The following NAV3 variants were observed in gnomAD, a reference collection of about 807,000 sequenced individuals.
NAV3 encodes pore membrane and/or filament interacting like protein 1.
NAV3 carries 87 observed loss-of-function variants against 244.7 expected under a neutral mutation model. That is an observed-to-expected ratio of 0.36 (90% CI 0.30 to 0.42). The LOEUF is 0.42. NAV3 is among the 20% of genes least tolerant of loss of function. NAV3 has a pLI of 1.00. For synonymous variants in NAV3, 1,126 were observed against 1,042.2 expected, an observed-to-expected ratio of 1.08 and a Z score of -1.55; for missense variants, 2,663 against 2,893.3, an observed-to-expected ratio of 0.92 and a Z score of 1.83.
chr12:77,878,137 C>T (rs1592868968), intron 1 of NAV3, among the ~76,000 whole-genome samples: 2 of 152,048 alleles, frequency 1.3e-5, no homozygotes, highest in African/African-American at 4.8e-5. Context: ...AATGTGGTAC[C>T]TGAATGAGAA....
intron 2 of NAV3, among the ~76,000 whole-genome samples, chr12:77,594,730 G>A (rs1870089959): frequency 6.6e-6 from 1 of 152,174 alleles, no homozygotes; most frequent in Non-Finnish European, 1.5e-5. Context: ...TGGAAACCAA[G>A]CAACATACAG....
intron 2 of NAV3, among the ~76,000 whole-genome samples, chr12:77,591,976 T>G (rs1168932012): frequency 6.6e-6 from 1 of 152,240 alleles, no homozygotes; most frequent in Non-Finnish European, 1.5e-5. Flanking sequence ...GCATGTTAAA[T>G]AGAATTCAAT....
intron 3 of NAV3, among the ~76,000 whole-genome samples, chr12:77,943,607 T>C (rs1890072039): frequency 6.6e-6 from 1 of 152,216 alleles, no homozygotes; most frequent in African/African-American, 2.4e-5. Flanking sequence ...GAAAGATAAT[T>C]ATGATAGCAT....
intron 18 of NAV3, among the ~76,000 whole-genome samples, chr12:78,132,131 A>G (rs1956192131): frequency 6.6e-6 from 1 of 152,200 alleles, no homozygotes; most frequent in African/African-American, 2.4e-5. Context: ...TAACATGTCC[A>G]TGGTCACAAT....
At chr12:77,681,531 A>G (rs1340137934) in intron 2 of NAV3, among the ~76,000 whole-genome samples, 2 of 152,228 alleles carry the variant, frequency 1.3e-5, no homozygotes. Flanking sequence ...AATCACACCT[A>G]GTTGAAACAT....
chr12:77,948,814 A>G (rs550765328), intron 3 of NAV3, among the ~76,000 whole-genome samples: 1 of 151,858 alleles, frequency 6.6e-6, no homozygotes, highest in Admixed American at 6.6e-5. Flanking sequence ...TTCAATATGA[A>G]TTGTAATACT....
At chr12:77,618,815 A>C (rs1165311118) in intron 2 of NAV3, among the ~76,000 whole-genome samples, 2 of 152,220 alleles carry the variant, frequency 1.3e-5, no homozygotes, top group Admixed American at 1.3e-4. Context: ...CTTTGTTAGC[A>C]CTCATCGTCT....
intron 2 of NAV3, among the ~76,000 whole-genome samples, chr12:77,654,014 C>A (rs534406262): frequency 6.6e-6 from 1 of 152,292 alleles, no homozygotes; most frequent in African/African-American, 2.4e-5. Context: ...TCTACAGCTC[C>A]CAGCATGAGC....
chr12:77,641,144 T>G (rs1428003185), intron 2 of NAV3, among the ~76,000 whole-genome samples: 6 of 152,180 alleles, frequency 3.9e-5, no homozygotes, highest in Non-Finnish European at 8.8e-5. Flanking sequence ...AAAGTTTTTT[T>G]TCTTTCTCAT....
intron 2 of NAV3, among the ~76,000 whole-genome samples, chr12:77,772,425 T>A (rs1471225709): frequency 6.6e-6 from 1 of 152,176 alleles, no homozygotes; most frequent in African/African-American, 2.4e-5. Context: ...ACTCTACTGG[T>A]CACTTTTTTA....
Position 77,683,709 on chromosome 12 carries a change from A to G in NAV3, c.72+111443A>G, listed in dbSNP as rs148371015. Among the ~76,000 whole-genome samples the G allele has an allele frequency of 2.3e-3, 353 of 152,184 alleles. 1 individual carries two copies. The highest frequency in any genetic ancestry group is 8.1e-3 in the African/African-American group (336 of 41,540). On this transcript the variant is annotated intron_variant, in intron 2 of 8. Coordinates refer to the NAV3 transcript ENST00000550042. ...TGGGTTACACAGTAGGTGTGCTTTTATGTCTGGCTTAGTCTGCTAAGCATA... is the reference window on the plus strand; with the variant it reads ...TGGGTTACACAGTAGGTGTGCTTTTGTGTCTGGCTTAGTCTGCTAAGCATA...
intron 1 of NAV3, among the ~76,000 whole-genome samples, chr12:77,837,073 A>G (rs1288297801): frequency 2.0e-5 from 3 of 152,088 alleles, no homozygotes; most frequent in Non-Finnish European, 2.9e-5. Context: ...TAGTATTGCT[A>G]ATGTGGACAA....
chr12:77,772,608 CTT>C (rs1027916954), intron 2 of NAV3, among the ~76,000 whole-genome samples: 1 of 152,084 alleles, frequency 6.6e-6, no homozygotes, highest in African/African-American at 2.4e-5. Context: ...TGAAGCCAAA[CTT>C]AATTTTTAGT....
chr12:77,697,665 T>G (rs1875375331), intron 2 of NAV3, among the ~76,000 whole-genome samples: 1 of 152,148 alleles, frequency 6.6e-6, no homozygotes, highest in Admixed American at 6.6e-5. Context: ...AGTAAGTGGT[T>G]ATATATAGCA....
chr12:77,960,515 A>G (rs1891803731), intron 3 of NAV3, among the ~76,000 whole-genome samples: 1 of 149,696 alleles, frequency 6.7e-6, no homozygotes, highest in African/African-American at 2.4e-5. Context: ...AGTATATATC[A>G]TGATGTATAC....
intron 2 of NAV3, among the ~76,000 whole-genome samples, chr12:77,693,238 C>T (rs11106295): frequency 0.037 from 5,586 of 152,076 alleles, 151 homozygotes; most frequent in Middle Eastern, 0.071. Flanking sequence ...ATTTTTTGTT[C>T]TTGAGTGCTG....
At chr12:78,076,901 T>C (rs1483046671) in intron 12 of NAV3, among the ~76,000 whole-genome samples, 1 of 152,174 alleles carries the variant, frequency 6.6e-6, no homozygotes, top group Non-Finnish European at 1.5e-5. Flanking sequence ...GATATTAATA[T>C]GTTTAAATAG....
At chr12:77,958,014 G>A (rs1182851719) in intron 3 of NAV3, among the ~76,000 whole-genome samples, 1 of 152,152 alleles carries the variant, frequency 6.6e-6, no homozygotes, top group African/African-American at 2.4e-5. Flanking sequence ...TCAAGAACAC[G>A]TGTTAACTCT....
Position 77,708,236 on chromosome 12 carries a change from A to G in NAV3, c.72+135970A>G, listed in dbSNP as rs1488674491. On this transcript the variant is annotated intron_variant, in intron 2 of 8. Coordinates refer to the NAV3 transcript ENST00000550042. ...ATCCATCTTGAATTAATTTTTGTAT[A>G]AGATATAAGGAAGGGATCCAGTTTC... is the stretch of plus-strand genomic sequence containing the variant. Among the ~76,000 whole-genome samples the G allele has an allele frequency of 5.9e-5, 9 of 152,304 alleles. No homozygotes were observed. In the South Asian group the frequency reaches 1.7e-3, roughly 28 times the overall value.
Sources: allele counts gnomAD v4.1 joint callset (sites outside exome capture counted in the v4.1 genomes callset), GRCh38; gene constraint gnomAD v4.1.1; transcripts MANE v1.5; gene names NCBI Gene and HGNC (gene_info 2026-07-23, HGNC 2026-07-21).